Variants in TAS2R1 observed in about 807,000 individuals in gnomAD.
The protein encoded by TAS2R1 is taste 2 receptor member 1.
For synonymous variants in TAS2R1, 141 were observed against 134.2 expected, an observed-to-expected ratio of 1.05 and a Z score of -0.35; for missense variants, 370 against 353.4, an observed-to-expected ratio of 1.05 and a Z score of -0.38.
At chr5:9,683,497 C>T (rs1335499827) in intron 1 of TAS2R1, among the ~76,000 whole-genome samples, 3 of 152,184 alleles carry the variant, frequency 2.0e-5, no homozygotes, top group Non-Finnish European at 4.4e-5. Flanking sequence ...GCCTGCAACA[C>T]ATCCTAATGC....
the TAS2R1 span, among the ~76,000 whole-genome samples, chr5:9,796,736 A>G: frequency 2.8e-5 from 4 of 144,986 alleles, no homozygotes; most frequent in Admixed American, 6.9e-5. Context: ...AAAAAAAAAA[A>G]AAAGAAAAGA....
the TAS2R1 span, among the ~76,000 whole-genome samples, chr5:9,890,510 T>C: frequency 6.6e-6 from 1 of 152,172 alleles, no homozygotes; most frequent in Non-Finnish European, 1.5e-5. Flanking sequence ...CCATTATATA[T>C]ATCATTGTAG....
At chr5:9,887,542 C>T in the TAS2R1 span, among the ~76,000 whole-genome samples, 15 of 152,288 alleles carry the variant, frequency 9.8e-5, no homozygotes, top group East Asian at 7.7e-4. Context: ...ATTCAACACA[C>T]GAGGCTCCTC....
the TAS2R1 span, among the ~76,000 whole-genome samples, chr5:9,735,988 C>T: frequency 6.6e-6 from 1 of 152,320 alleles, no homozygotes; most frequent in African/African-American, 2.4e-5. Flanking sequence ...CTATTCCAAT[C>T]AGTGGGCATG....
chr5:9,879,385 CCT>C, the TAS2R1 span, among the ~76,000 whole-genome samples: 3 of 152,328 alleles, frequency 2.0e-5, no homozygotes, highest in Admixed American at 6.5e-5. Flanking sequence ...AGGGCACCTG[CCT>C]CTCCTGCAGG....
chr5:9,717,605 A>G, the TAS2R1 span, among the ~76,000 whole-genome samples: 488 of 152,306 alleles, frequency 3.2e-3, 1 homozygote, highest in African/African-American at 0.011. Flanking sequence ...AACATAATAT[A>G]GACTTCCCAC....
chr5:9,681,077 AT>A, intron 1 of TAS2R1, among the ~76,000 whole-genome samples: 1 of 152,040 alleles, frequency 6.6e-6, no homozygotes, highest in East Asian at 1.9e-4. Context: ...ATCAATCAAT[AT>A]TTTAAAAATA....
the TAS2R1 span, among the ~76,000 whole-genome samples, chr5:9,794,760 G>A: frequency 9.2e-5 from 14 of 152,090 alleles, no homozygotes; most frequent in Non-Finnish European, 2.1e-4. Flanking sequence ...AAGTATGGTT[G>A]TTCTGTTTTC....
At chr5:9,838,302 T>C in the TAS2R1 span, among the ~76,000 whole-genome samples, 1 of 152,074 alleles carries the variant, frequency 6.6e-6, no homozygotes, top group Admixed American at 6.5e-5. Flanking sequence ...TCTCCAGGCA[T>C]ATCTGTGGGC....
the TAS2R1 span, among the ~76,000 whole-genome samples, chr5:9,821,822 T>C: frequency 1.3e-5 from 2 of 152,358 alleles, no homozygotes; most frequent in East Asian, 3.9e-4. Flanking sequence ...AACAACACTT[T>C]CACTTTGGCT....
chr5:9,629,770 A>G lies in TAS2R1; in HGVS notation c.263T>C (p.Ile88Thr), dbSNP rs745381132. 1 of 1,613,872 alleles carries G rather than the reference A, an allele frequency of 6.2e-7. No individual in the cohort carries two copies. Reference protein sequence around the residue: ...CSANCAILLFINELELWLATW... With the variant: ...CSANCAILLFTNELELWLATW... Reference sequence around the variant, plus strand: ...GGCAAGCCAAAGTTCCAATTCATTTATAAATAAGAGAATTGCACAATTCGC... The same window carrying G: ...GGCAAGCCAAAGTTCCAATTCATTTGTAAATAAGAGAATTGCACAATTCGC... Residue 88 changes from isoleucine to threonine, a missense_variant, in exon 1 of 1, where the codon ATA becomes ACA. Physicochemically the swap from Ile to Thr is moderately conservative, Grantham distance 89. Coordinates refer to ENST00000382492, the MANE Select transcript of TAS2R1 (RefSeq NM_019599.3).
chr5:9,829,576 T>C, the TAS2R1 span, among the ~76,000 whole-genome samples: 1 of 152,186 alleles, frequency 6.6e-6, no homozygotes, highest in Admixed American at 6.5e-5. Context: ...TATAGATCTA[T>C]TTTTCTGCTT....
chr5:9,809,685 C>A, the TAS2R1 span, among the ~76,000 whole-genome samples: 2 of 152,154 alleles, frequency 1.3e-5, no homozygotes, highest in African/African-American at 4.8e-5. Flanking sequence ...TTTCACTTTT[C>A]TTCATGTCCA....
At chr5:9,774,543 C>T in the TAS2R1 span, among the ~76,000 whole-genome samples, 9 of 152,182 alleles carry the variant, frequency 5.9e-5, no homozygotes, top group Non-Finnish European at 7.3e-5. Context: ...CCTGACAACC[C>T]GCATTTGTTT....
intron 1 of TAS2R1, among the ~76,000 whole-genome samples, chr5:9,681,058 T>C (rs528962095): frequency 6.6e-6 from 1 of 152,064 alleles, no homozygotes; most frequent in South Asian, 2.1e-4. Flanking sequence ...AGAGACTCCA[T>C]CTCAATCAAT....
the TAS2R1 span, among the ~76,000 whole-genome samples, chr5:9,873,177 C>A: frequency 1.3e-5 from 2 of 152,146 alleles, no homozygotes; most frequent in African/African-American, 2.4e-5. Context: ...GCTGCTGAGA[C>A]CCAGGCCCCC....
the TAS2R1 span, among the ~76,000 whole-genome samples, chr5:9,729,844 G>A: frequency 3.9e-5 from 6 of 152,150 alleles, no homozygotes; most frequent in African/African-American, 7.2e-5. Context: ...CATGTTTTGA[G>A]TTACAGTTTA....
chr5:9,872,247 T>C, the TAS2R1 span, among the ~76,000 whole-genome samples: 10 of 152,232 alleles, frequency 6.6e-5, no homozygotes, highest in African/African-American at 2.2e-4. Flanking sequence ...AGCAGGCATA[T>C]AGACATAGCA....
chr5:9,666,916 C>T (rs992728877), intron 1 of TAS2R1, among the ~76,000 whole-genome samples: 97 of 151,890 alleles, frequency 6.4e-4, no homozygotes, highest in African/African-American at 2.0e-3. Flanking sequence ...ATTAGGTACA[C>T]GAAATCAAAC....
Sources: allele counts gnomAD v4.1 joint callset (sites outside exome capture counted in the v4.1 genomes callset), GRCh38; gene constraint gnomAD v4.1.1; transcripts MANE v1.5; gene names NCBI Gene and HGNC (gene_info 2026-07-23, HGNC 2026-07-21).